Variants in LTF observed in about 807,000 individuals in gnomAD.
The protein encoded by LTF is epididymis luminal protein 110.
Under a neutral mutation model 87.2 loss-of-function variants are expected in LTF, and 91 were observed. The ratio of observed to expected loss-of-function variants is 1.04; its 90% confidence interval spans 0.88 to 1.24. The LOEUF (loss-of-function observed/expected upper bound fraction) is 1.24, where lower values mean the gene tolerates loss of function less well. Among genes scored for constraint, LTF ranks in the 50% most tolerant of loss-of-function variants. The pLI is 0.00. For missense variants in LTF, 901 were observed against 904.3 expected (o/e 1.00, Z 0.05); for synonymous variants, 378 against 356.1 (o/e 1.06, Z -0.69).
intron 1 of LTF, among the ~76,000 whole-genome samples, chr3:46,482,527 AGGG>A (rs1703447217): frequency 2.6e-5 from 2 of 76,460 alleles, no homozygotes; most frequent in African/African-American, 7.0e-5. Context: ...AGGGAAGGGA[AGGG>A]AAGGGAAGGG....
At chr3:46,467,947 C>T (rs1201227371), upstream of LTF, among the ~76,000 whole-genome samples, 1 of 152,124 alleles carries the variant, frequency 6.6e-6, no homozygotes, top group Non-Finnish European at 1.5e-5. Flanking sequence ...TTTAATGCAT[C>T]GAAAATGCAA....
intron 16 of LTF, among the ~76,000 whole-genome samples, chr3:46,436,926 G>A (rs1702399684): frequency 6.6e-6 from 1 of 152,200 alleles, no homozygotes; most frequent in Non-Finnish European, 1.5e-5. Context: ...GTTACCAGCA[G>A]CACCCTCTAT....
At chr3:46,463,212 C>G (rs1703128246) in intron 1 of LTF, among the ~76,000 whole-genome samples, 1 of 152,238 alleles carries the variant, frequency 6.6e-6, no homozygotes, top group Non-Finnish European at 1.5e-5. Flanking sequence ...TGGCTGGACA[C>G]TGGCCAAAAC....
At chr3:46,450,755 T>C (rs745507245) in intron 6 of LTF, 82 bp from the exon 7 acceptor site, 102 of 1,225,952 alleles carry the variant, frequency 8.3e-5, no homozygotes, top group Non-Finnish European at 1.1e-4. Flanking sequence ...CTTCTCCCTA[T>C]AGAATTTTGA....
intron 1 of LTF, 22 bp downstream of exon 1, chr3:46,464,802 CG>C (rs1559608770): frequency 6.2e-7 from 1 of 1,613,476 alleles, no homozygotes; most frequent in Non-Finnish European, 8.5e-7. Context: ...AGGCGGCTCG[CG>C]CCCCCAGGCA....
At chr3:46,450,145 C>T (rs546823863) in intron 7 of LTF, 117 bp from the exon 8 acceptor site, 6 of 814,308 alleles carry the variant, frequency 7.4e-6, no homozygotes, top group South Asian at 3.7e-5. Context: ...GCAGGAGCCT[C>T]GGTTGAGACC....
At chr3:46,464,715 G>T (rs1374998482) in intron 1 of LTF, 110 bp downstream of exon 1, 11 of 1,205,350 alleles carry the variant, frequency 9.1e-6, no homozygotes, top group Non-Finnish European at 1.3e-5. Context: ...GGACCGCGGG[G>T]CGCAGAGACC....
At chr3:46,455,730 G>A (rs1287203697) in intron 4 of LTF, 66 bp downstream of exon 4, 2 of 1,481,408 alleles carry the variant, frequency 1.4e-6, no homozygotes, top group African/African-American at 2.8e-5. Context: ...GATCTGTGTG[G>A]CCTGTGCTTA....
At chr3:46,453,838 G>A (rs909438325) in intron 6 of LTF, among the ~76,000 whole-genome samples, 3 of 152,216 alleles carry the variant, frequency 2.0e-5, no homozygotes, top group African/African-American at 7.2e-5. Flanking sequence ...TGGTGACAGA[G>A]AAGTAAAAGG....
rs1575318443 is a variant in LTF, at chr3:46,456,165, C to T, written c.316+125G>A. 5.3e-6 allele frequency: 5 copies of T among 947,114 alleles called. No individual in the cohort carries two copies. In the South Asian group the frequency reaches 8.1e-5, roughly 15 times the overall value. 58.7% of individuals were successfully genotyped at this position (947,114 alleles called of 1,614,324 possible). A position where few individuals can be genotyped will look rare whatever the true frequency, so the allele number is the denominator to read the frequency against. ...CTTCATCTGGCCCAGAGCCCAGCGA[C>T]TCCATTCCCTACATGTGTGATGTGA... On this transcript the variant is annotated intron_variant, in intron 3 of 16. Coordinates refer to ENST00000231751, the MANE Select transcript of LTF (RefSeq NM_002343.6).
chr3:46,438,187 G>T, intron 15 of LTF, 58 bp from the exon 16 acceptor site: 1 of 1,382,218 alleles, frequency 7.2e-7, no homozygotes, highest in Non-Finnish European at 1.0e-6. Flanking sequence ...ATGGGTTAAA[G>T]GAGGCAAAGG....
chr3:46,439,418 C>T lies in LTF; in HGVS notation c.1786G>A (p.Asp596Asn), dbSNP rs139367879. The change falls in exon 15 of 17, where the codon GAT becomes AAT. Residue 596 changes from aspartate (D) to asparagine (N), a missense_variant. By Grantham distance (23) the Asp-to-Asn change is conservative. Transcript: ENST00000231751. ...TCAGTCACAGGCTTCCGTTTGCCAT[C>T]GAGGCACAGCAGCGCAAAGTCTGCC... is the stretch of plus-strand genomic sequence containing the variant. ...KLADFALLCL[D>N]GKRKPVTEAR... is the part of the protein sequence containing the mutation. 73 of 1,614,176 alleles carry T rather than the reference C, an allele frequency of 4.5e-5. No homozygotes were observed. The highest frequency in any genetic ancestry group is 2.9e-4 in the East Asian group (13 of 44,876).
chr3:46,463,860 G>A (rs558550760), intron 1 of LTF, among the ~76,000 whole-genome samples: 15 of 152,332 alleles, frequency 9.8e-5, no homozygotes, highest in African/African-American at 3.4e-4. Context: ...GGAATTTGGA[G>A]CAGGAGACCA....
chr3:46,466,854 A>G (rs758481600), upstream of LTF, among the ~76,000 whole-genome samples: 1 of 152,240 alleles, frequency 6.6e-6, no homozygotes, highest in African/African-American at 2.4e-5. Flanking sequence ...ATCATTATAA[A>G]AGAATTAAGA....
At position 46,435,748 on chromosome 3, in the gene LTF, T is replaced by A. The variant is rs1439848390; in HGVS notation, c.*447A>T. On this transcript the variant is annotated 3_prime_UTR_variant, in exon 17 of 17. Transcript: ENST00000231751. ...TATGCTTGCTCTTCCTGCCCTGCCT[T>A]GGGGACACGCACACACTCCCAGGCA... The A allele has an allele frequency of 5.8e-6, 1 of 172,222 alleles. No individual in the cohort carries two copies. Among genetic ancestry groups the A allele is most frequent in the Non-Finnish European group, 1.2e-5 (1 of 80,290 alleles). The allele number at this position is 172,222 out of a possible 1,614,324, so 10.7% of individuals were successfully genotyped here.
At chr3:46,463,935 C>A (rs1355343511) in intron 1 of LTF, among the ~76,000 whole-genome samples, 1 of 152,218 alleles carries the variant, frequency 6.6e-6, no homozygotes, top group Non-Finnish European at 1.5e-5. Flanking sequence ...CCACCTCTTC[C>A]ATCCAGGAAG....
chr3:46,441,381 T>C (rs758905785), intron 14 of LTF, 35 bp downstream of exon 14: 1 of 1,563,308 alleles, frequency 6.4e-7, no homozygotes, highest in Non-Finnish European at 8.8e-7. Context: ...CCAAAGACTC[T>C]GCTTTGAAGG....
chr3:46,453,266 G>C (rs190670078), intron 6 of LTF, among the ~76,000 whole-genome samples: 6 of 152,142 alleles, frequency 3.9e-5, no homozygotes, highest in African/African-American at 1.4e-4. Context: ...AAAATAAAAC[G>C]AACTATCTAT....
At chr3:46,460,740 T>C (rs1703059801) in intron 1 of LTF, 3 of 281,632 alleles carry the variant, frequency 1.1e-5, no homozygotes, top group Non-Finnish European at 7.1e-6. Context: ...AGAAAAGAAA[T>C]GAGACACCCA....
Sources: allele counts gnomAD v4.1 joint callset (sites outside exome capture counted in the v4.1 genomes callset), GRCh38; gene constraint gnomAD v4.1.1; transcripts MANE v1.5; gene names NCBI Gene and HGNC (gene_info 2026-07-23, HGNC 2026-07-21).